Variants in HK1 observed in about 807,000 individuals in gnomAD.
HK1 encodes the protein hexokinase-1.
HK1 carries 28 observed loss-of-function variants against 91.6 expected under a neutral mutation model. The observed-to-expected ratio is 0.31, with a 90% CI of 0.23 to 0.42. The LOEUF (loss-of-function observed/expected upper bound fraction) is 0.42. Among genes scored for constraint, HK1 ranks in the 10% least tolerant of loss-of-function variants. The pLI, the probability that HK1 is intolerant of heterozygous loss-of-function variation, is 1.00. For missense variants in HK1, 770 were observed against 1,219.8 expected, an observed-to-expected ratio of 0.63 and a Z score of 5.49; for synonymous variants, 430 against 468.1, an observed-to-expected ratio of 0.92 and a Z score of 1.05.
At chr10:69,328,526 G>A (rs1042792614) in intron 1 of HK1, among the ~76,000 whole-genome samples, 4 of 152,124 alleles carry the variant, frequency 2.6e-5, no homozygotes, top group Admixed American at 1.3e-4. Context: ...TCCCCACAAC[G>A]CCCTTGTGAG....
intron 1 of HK1, among the ~76,000 whole-genome samples, chr10:69,277,883 C>T (rs1018170920): frequency 6.6e-6 from 1 of 151,960 alleles, no homozygotes; most frequent in Non-Finnish European, 1.5e-5. Context: ...AAATACAAAA[C>T]TTAGCTGGGC....
intron 2 of HK1, among the ~76,000 whole-genome samples, chr10:69,355,809 GAA>G (rs952896052): frequency 6.8e-6 from 1 of 147,538 alleles, no homozygotes; most frequent in Non-Finnish European, 1.5e-5. Flanking sequence ...ACTTTGTCTC[GAA>G]AAAAAAAATA....
chr10:69,288,664 T>C lies in HK1; in HGVS notation c.-214-7T>C, dbSNP rs1845139403. ...CCCTGCCTTCTTTGAACTTGGCCTT[T>C]CTCTAGGCGTTCAAGACCCAGCTGT... is the stretch of plus-strand genomic sequence containing the variant. On this transcript the variant is annotated splice_region_variant and splice_polypyrimidine_tract_variant and intron_variant, in intron 2 of 21. Coordinates refer to the HK1 transcript ENST00000360289. The C allele has an allele frequency of 2.3e-5, 31 of 1,352,568 alleles. No homozygotes were observed. The South Asian group carries it at 3.4e-4, about 15-fold the overall frequency. 83.8% of individuals were successfully genotyped at this position (1,352,568 alleles called of 1,614,324 possible).
upstream of HK1, among the ~76,000 whole-genome samples, chr10:69,312,277 C>T (rs1846413401): frequency 6.6e-6 from 1 of 152,228 alleles, no homozygotes. Context: ...CACTCTGTCG[C>T]CCAGGCTGGA....
At chr10:69,383,786 C>T (rs972631387) in intron 10 of HK1, among the ~76,000 whole-genome samples, 1 of 152,216 alleles carries the variant, frequency 6.6e-6, no homozygotes, top group African/African-American at 2.4e-5. Flanking sequence ...CAAGTGGTGG[C>T]AGCAAGGGCT....
At chr10:69,325,923 C>A (rs1003901200) in intron 1 of HK1, among the ~76,000 whole-genome samples, 1 of 151,640 alleles carries the variant, frequency 6.6e-6, no homozygotes, top group Non-Finnish European at 1.5e-5. Context: ...CAACCTCTGC[C>A]TGCCAGGTTC....
At chr10:69,329,648 T>C (rs1847593812) in intron 1 of HK1, among the ~76,000 whole-genome samples, 1 of 152,160 alleles carries the variant, frequency 6.6e-6, no homozygotes, top group Non-Finnish European at 1.5e-5. Context: ...GGAACACTAC[T>C]GCTGGTCCCC....
chr10:69,299,307 G>A (rs1845727010), intron 4 of HK1, among the ~76,000 whole-genome samples: 1 of 151,572 alleles, frequency 6.6e-6, no homozygotes, highest in Non-Finnish European at 1.5e-5. Flanking sequence ...AAGTAGCTGG[G>A]ACTACAGCCA....
intron 2 of HK1, among the ~76,000 whole-genome samples, chr10:69,355,359 A>G (rs745756228): frequency 8.5e-5 from 13 of 152,236 alleles, no homozygotes; most frequent in Non-Finnish European, 1.8e-4. Flanking sequence ...CAAAGCAATC[A>G]TGAAAAAGAA....
At chr10:69,313,551 C>T (rs1846482653), upstream of HK1, among the ~76,000 whole-genome samples, 1 of 152,204 alleles carries the variant, frequency 6.6e-6, no homozygotes, top group South Asian at 2.1e-4. Flanking sequence ...CAACCTCTGC[C>T]TCCCGGGTTC....
intron 1 of HK1, among the ~76,000 whole-genome samples, chr10:69,279,016 C>T (rs1844604400): frequency 6.6e-6 from 1 of 152,194 alleles, no homozygotes; most frequent in Admixed American, 6.5e-5. Flanking sequence ...CAAAGACCAT[C>T]TTTATGCAAG....
In HK1 at chr10:69,305,043, G is replaced by T. The variant is rs867202821; in HGVS notation, c.27+4182G>T. 1.2e-4 allele frequency among the ~76,000 whole-genome samples: 19 copies of T among 152,262 alleles called. No individual in the cohort carries two copies. In the South Asian group the frequency reaches 3.9e-3, roughly 32 times the overall value. On this transcript the variant is annotated intron_variant, in intron 5 of 21. Transcript: ENST00000360289. ...GGCAGCATCACTCCCATCCCTGCCT[G>T]CATCTTTGTATGGTCATCTTCTTTC...
chr10:69,368,139 G>C (rs1303126915), intron 4 of HK1, among the ~76,000 whole-genome samples: 1 of 152,238 alleles, frequency 6.6e-6, no homozygotes, highest in African/African-American at 2.4e-5. Flanking sequence ...TTTTCCCAGG[G>C]CTGTGGAAGC....
intron 2 of HK1, among the ~76,000 whole-genome samples, chr10:69,354,873 G>T (rs1020600454): frequency 2.0e-5 from 3 of 151,978 alleles, no homozygotes; most frequent in Admixed American, 2.0e-4. Flanking sequence ...TTTGAGACCA[G>T]CCTGACCAAC....
At chr10:69,386,049 G>C (rs1288132624) in intron 12 of HK1, among the ~76,000 whole-genome samples, 1 of 152,190 alleles carries the variant, frequency 6.6e-6, no homozygotes, top group Non-Finnish European at 1.5e-5. Flanking sequence ...CCAGTATTGA[G>C]TGCCGTCTTT....
At chr10:69,301,041 A>C (rs896874721) in intron 5 of HK1, among the ~76,000 whole-genome samples, 1 of 151,958 alleles carries the variant, frequency 6.6e-6, no homozygotes, top group Non-Finnish European at 1.5e-5. Flanking sequence ...TCAGGAGTTC[A>C]AGACCAGCCT....
At chr10:69,319,436 C>T (rs1846877498) in intron 1 of HK1, among the ~76,000 whole-genome samples, 1 of 152,236 alleles carries the variant, frequency 6.6e-6, no homozygotes, top group Non-Finnish European at 1.5e-5. Context: ...GAGGCCAGGC[C>T]TCCCATATTT....
chr10:69,389,029 G>A lies in HK1; in HGVS notation c.1936-168G>A, dbSNP rs115677855. On this transcript the variant is annotated intron_variant, in intron 13 of 17. Transcript: ENST00000359426. ...GTTTCAGATATATCCTTAATAGCAG[G>A]GGTTTAGTCTGTGAAGGAACATTCA... is the stretch of plus-strand genomic sequence containing the variant. Among the ~76,000 whole-genome samples the A allele has an allele frequency of 1.2e-3, 190 of 152,274 alleles. 1 individual carries two copies. The highest frequency in any genetic ancestry group is 4.3e-3 in the African/African-American group (179 of 41,542).
chr10:69,292,660 G>A (rs1171479341), intron 3 of HK1, among the ~76,000 whole-genome samples: 1 of 152,164 alleles, frequency 6.6e-6, no homozygotes, highest in Non-Finnish European at 1.5e-5. Context: ...TAAGATAGGA[G>A]GCACTTTACA....
Sources: gnomAD v4.1 joint callset for allele counts (sites outside exome capture counted in the v4.1 genomes callset) on GRCh38, gnomAD v4.1.1 for gene constraint, MANE v1.5 for transcripts, NCBI Gene and HGNC (gene_info 2026-07-23, HGNC 2026-07-21) for gene names.